The following NTRK2 variants were observed in gnomAD, a reference collection of about 807,000 sequenced individuals.
NTRK2 encodes the protein neurotrophic receptor tyrosine kinase 2.
A neutral mutation model predicts 94.5 loss-of-function variants in NTRK2; 13 were observed. The observed-to-expected ratio is 0.14, with a 90% CI of 0.09 to 0.22. NTRK2 has a LOEUF of 0.22. NTRK2 is among the 10% of genes least tolerant of loss of function. The probability of loss-of-function intolerance (pLI) is 1.00; values close to 1 mark genes in which losing one functional copy is unlikely to be tolerated. For missense variants in NTRK2, 639 were observed against 1,071.2 expected (o/e 0.60, Z 5.63); for synonymous variants, 372 against 407.4 (o/e 0.91, Z 1.05).
At chr9:84,907,466 A>C (rs760553175) in intron 14 of NTRK2, among the ~76,000 whole-genome samples, 1 of 152,246 alleles carries the variant, frequency 6.6e-6, no homozygotes, top group Non-Finnish European at 1.5e-5. Context: ...ATAAGCAAAC[A>C]GAAACGTTCT....
At chr9:84,851,405 G>A (rs1446011222) in intron 12 of NTRK2, among the ~76,000 whole-genome samples, 1 of 152,048 alleles carries the variant, frequency 6.6e-6, no homozygotes, top group Non-Finnish European at 1.5e-5. Context: ...TAAATAATGG[G>A]TTTTCATTTT....
chr9:84,674,760 G>A (rs2058927811), intron 2 of NTRK2, among the ~76,000 whole-genome samples: 1 of 152,134 alleles, frequency 6.6e-6, no homozygotes, highest in Non-Finnish European at 1.5e-5. Context: ...ACATCAGCTT[G>A]GCACAACTGT....
intron 9 of NTRK2, among the ~76,000 whole-genome samples, chr9:84,736,691 T>G (rs2063284567): frequency 6.6e-6 from 1 of 152,236 alleles, no homozygotes; most frequent in South Asian, 2.1e-4. Context: ...AAATAGCTTC[T>G]TATACCTCAG....
intron 17 of NTRK2, among the ~76,000 whole-genome samples, chr9:85,008,057 AT>A (rs1432096586): frequency 6.6e-6 from 1 of 152,060 alleles, no homozygotes; most frequent in African/African-American, 2.4e-5. Flanking sequence ...GCTACCTTCT[AT>A]GAGCTAGTTT....
chr9:84,898,058 GTTT>G lies in NTRK2; in HGVS notation c.1633+30640_1633+30642del, dbSNP rs397965892. On this transcript the variant is annotated intron_variant, in intron 14 of 18. Coordinates refer to ENST00000277120, the MANE Select transcript of NTRK2 (RefSeq NM_006180.6). ...AAGATGAAAGGTCTTATCTGCCACT[GTTT>G]TTTTTTTTTTTTCTATGATATCTGT... is the stretch of plus-strand genomic sequence containing the variant. Among the ~76,000 whole-genome samples, 165 of 142,028 alleles carry G rather than the reference GTTT, an allele frequency of 1.2e-3. 2 individuals are homozygous for G. Among genetic ancestry groups the G allele is most frequent in the African/African-American group, 3.9e-3 (152 of 39,088 alleles). The allele number at this position is 142,028 out of a possible 152,430, so 93.2% of individuals were successfully genotyped here.
intron 17 of NTRK2, among the ~76,000 whole-genome samples, chr9:85,001,869 T>C (rs1011949706): frequency 1.3e-5 from 2 of 152,232 alleles, no homozygotes; most frequent in African/African-American, 4.8e-5. Context: ...TTTCCTCACC[T>C]GAAGGCCAGA....
intron 15 of NTRK2, among the ~76,000 whole-genome samples, chr9:84,947,507 G>A (rs1173625046): frequency 2.0e-5 from 3 of 152,204 alleles, no homozygotes; most frequent in Non-Finnish European, 4.4e-5. Context: ...ATGTGCAAAG[G>A]GAGGGAGGCA....
At chr9:84,729,141 A>G (rs2062666405) in intron 9 of NTRK2, among the ~76,000 whole-genome samples, 1 of 152,250 alleles carries the variant, frequency 6.6e-6, no homozygotes, top group Non-Finnish European at 1.5e-5. Context: ...ATGCAAAGCC[A>G]TCTCTGCAAA....
At chr9:84,812,034 T>A (rs1256170529) in intron 12 of NTRK2, 9 of 1,060,254 alleles carry the variant, frequency 8.5e-6, no homozygotes, top group Non-Finnish European at 1.0e-5. Context: ...ATAGCTGGAT[T>A]GGAAACATTG....
chr9:84,677,280 C>T (rs1482421043), intron 2 of NTRK2, among the ~76,000 whole-genome samples: 1 of 152,082 alleles, frequency 6.6e-6, no homozygotes, highest in Non-Finnish European at 1.5e-5. Flanking sequence ...TATTATTCCC[C>T]GACTTCTTTC....
intron 12 of NTRK2, among the ~76,000 whole-genome samples, chr9:84,771,889 C>T (rs1049900550): frequency 1.3e-5 from 2 of 152,190 alleles, no homozygotes; most frequent in Non-Finnish European, 2.9e-5. Context: ...TTTGAGAGGT[C>T]AGCATTGTAA....
intron 17 of NTRK2, among the ~76,000 whole-genome samples, chr9:85,012,637 A>T (rs1440983973): frequency 1.3e-5 from 2 of 152,350 alleles, no homozygotes; most frequent in East Asian, 1.9e-4. Flanking sequence ...TGGAAATGTT[A>T]TGTAAAAGCA....
chr9:84,670,898 T>C lies in NTRK2; in HGVS notation c.150T>C (p.Pro50=), dbSNP rs2058658255. The C allele has an allele frequency of 1.2e-6, 2 of 1,611,880 alleles. No individual in the cohort carries two copies. Among genetic ancestry groups the C allele is most frequent in the Non-Finnish European group, 1.7e-6 (2 of 1,180,034 alleles). ...GGATCTGGTGCAGCGACCCTTCTCCTGGCATCGTGGCATTTCCGAGATTGG... is the reference window on the plus strand; with the variant it reads ...GGATCTGGTGCAGCGACCCTTCTCCCGGCATCGTGGCATTTCCGAGATTGG... ...ASRIWCSDPS[P]GIVAFPRLEP... is the part of the protein sequence containing the mutation. Residue 50 remains proline (P), a synonymous_variant, in exon 2 of 19, where the codon CCT becomes CCC. Coordinates refer to ENST00000277120, the MANE Select transcript of NTRK2 (RefSeq NM_006180.6).
intron 12 of NTRK2, 47 bp from the exon 13 acceptor site, chr9:84,860,993 T>C: frequency 1.9e-6 from 3 of 1,562,304 alleles, no homozygotes; most frequent in African/African-American, 2.7e-5. Context: ...ACCTCCGGTT[T>C]CTACTTCTCT....
chr9:85,021,217 C>T (rs367992380), intron 18 of NTRK2, 35 bp from the exon 19 acceptor site: 13 of 1,597,394 alleles, frequency 8.1e-6, no homozygotes, highest in African/African-American at 8.1e-5. Flanking sequence ...CATTGCTTTT[C>T]CTCCTGTCTC....
At chr9:84,978,200 A>G (rs1419156280) in intron 17 of NTRK2, among the ~76,000 whole-genome samples, 1 of 152,258 alleles carries the variant, frequency 6.6e-6, no homozygotes, top group African/African-American at 2.4e-5. Context: ...TAAGGAAGGC[A>G]TGTCGAAAGC....
intron 14 of NTRK2, among the ~76,000 whole-genome samples, chr9:84,883,013 C>T (rs1196611860): frequency 6.6e-6 from 1 of 152,094 alleles, no homozygotes; most frequent in East Asian, 1.9e-4. Context: ...GTGATCTGCC[C>T]GCCTCAGCCT....
intron 6 of NTRK2, among the ~76,000 whole-genome samples, chr9:84,720,128 G>A (rs1213087377): frequency 6.6e-6 from 1 of 151,946 alleles, no homozygotes; most frequent in Non-Finnish European, 1.5e-5. Context: ...TGAGAATACT[G>A]GTTACCAAGT....
intron 17 of NTRK2, among the ~76,000 whole-genome samples, chr9:84,987,486 T>A (rs1415293716): frequency 6.6e-6 from 1 of 152,216 alleles, no homozygotes; most frequent in African/African-American, 2.4e-5. Context: ...CCCTTACTTT[T>A]CCTTTTCTTT....
Sources: gnomAD v4.1 joint callset for allele counts (sites outside exome capture counted in the v4.1 genomes callset) on GRCh38, gnomAD v4.1.1 for gene constraint, MANE v1.5 for transcripts, NCBI Gene and HGNC (gene_info 2026-07-23, HGNC 2026-07-21) for gene names.